PSMG2: variants seen among roughly 807,000 people sequenced by gnomAD.
The protein encoded by PSMG2 is CD40 ligand-activated specific transcript 3.
In PSMG2, 21 loss-of-function variants were observed where a neutral mutation model predicts 31.5. That is an observed-to-expected ratio of 0.67 (90% CI 0.47 to 0.96). The LOEUF (loss-of-function observed/expected upper bound fraction) is 0.96, where lower values mean the gene tolerates loss of function less well. Among genes scored for constraint, PSMG2 ranks in the 40% least tolerant of loss-of-function variants. The pLI, the probability that PSMG2 is intolerant of heterozygous loss-of-function variation, is 0.00. For synonymous variants in PSMG2, 120 were observed against 110.4 expected, an observed-to-expected ratio of 1.09 and a Z score of -0.54; for missense variants, 318 against 321.2, an observed-to-expected ratio of 0.99 and a Z score of 0.08.
intron 1 of PSMG2, among the ~76,000 whole-genome samples, chr18:12,664,848 G>A (rs547225050): frequency 2.0e-5 from 3 of 151,676 alleles, no homozygotes; most frequent in African/African-American, 4.8e-5. Flanking sequence ...ACAGGCGCCC[G>A]TCACCATGCC....
intron 1 of PSMG2, chr18:12,661,218 G>A (rs1229169222): frequency 5.0e-5 from 9 of 181,096 alleles, no homozygotes; most frequent in Non-Finnish European, 8.5e-5. Flanking sequence ...TGAGGCAGGG[G>A]AATCACTTGA....
At chr18:12,666,017 T>C (rs2038795851) in intron 1 of PSMG2, among the ~76,000 whole-genome samples, 1 of 152,082 alleles carries the variant, frequency 6.6e-6, no homozygotes, top group Non-Finnish European at 1.5e-5. Context: ...TTTAATTGTA[T>C]CAAAATTGTT....
rs376598672 is a variant in PSMG2, at chr18:12,675,568, T to C, written c.-37+16795T>C. Among the ~76,000 whole-genome samples the C allele has an allele frequency of 2.4e-4, 36 of 152,292 alleles. 1 individual carries two copies. The East Asian group carries it at 5.2e-3, about 22-fold the overall frequency. ...GAACATGTACTCTATAAAACTTATA[T>C]ACTGTAAGAGATAAAAAGATGAAGA... is the stretch of plus-strand genomic sequence containing the variant. On this transcript the variant is annotated intron_variant, in intron 1 of 6. Coordinates refer to the PSMG2 transcript ENST00000585331.
intron 1 of PSMG2, among the ~76,000 whole-genome samples, chr18:12,694,981 C>T (rs1356143221): frequency 1.3e-5 from 2 of 151,990 alleles, no homozygotes; most frequent in Non-Finnish European, 2.9e-5. Context: ...TCCCAAAGTG[C>T]TGGGACTACA....
chr18:12,699,697 T>C, upstream of PSMG2: 3 of 571,764 alleles, frequency 5.2e-6, no homozygotes, highest in Non-Finnish European at 6.1e-6. Context: ...CAATCTGTTT[T>C]AGCCAACCAT....
intron 1 of PSMG2, among the ~76,000 whole-genome samples, chr18:12,696,629 GGTTTT>G (rs1412998835): frequency 2.0e-5 from 3 of 152,130 alleles, no homozygotes; most frequent in African/African-American, 7.2e-5. Context: ...AACATTGGTA[GGTTTT>G]GTTTTCTCAT....
chr18:12,715,982 T>C (rs2040372586), intron 3 of PSMG2, among the ~76,000 whole-genome samples: 1 of 152,238 alleles, frequency 6.6e-6, no homozygotes, highest in Non-Finnish European at 1.5e-5. Flanking sequence ...CAGTATTCTA[T>C]TGGTGGAATT....
intron 5 of PSMG2, among the ~76,000 whole-genome samples, chr18:12,723,400 TTAGA>T (rs144042901): frequency 0.088 from 13,063 of 147,688 alleles, 800 homozygotes; most frequent in Non-Finnish European, 0.13. Context: ...CTAGATATAG[TTAGA>T]TATAGAGACC....
intron 3 of PSMG2, among the ~76,000 whole-genome samples, chr18:12,717,457 C>T (rs2040387644): frequency 6.6e-6 from 1 of 152,250 alleles, no homozygotes; most frequent in Non-Finnish European, 1.5e-5. Flanking sequence ...CCTACTTGAT[C>T]TCTCGCTATG....
intron 1 of PSMG2, among the ~76,000 whole-genome samples, chr18:12,679,820 T>C (rs1009189963): frequency 1.3e-5 from 2 of 152,056 alleles, no homozygotes; most frequent in Admixed American, 6.6e-5. Flanking sequence ...CTCAGCACTT[T>C]GGAAGGCCGT....
At chr18:12,676,376 C>T (rs1423788699) in intron 1 of PSMG2, among the ~76,000 whole-genome samples, 2 of 150,890 alleles carry the variant, frequency 1.3e-5, no homozygotes, top group African/African-American at 4.9e-5. Context: ...CTCTGCCTCC[C>T]CGGCTCCTTT....
At chr18:12,702,284 A>G, upstream of PSMG2, 1 of 549,742 alleles carries the variant, frequency 1.8e-6, no homozygotes, top group Non-Finnish European at 3.2e-6. Flanking sequence ...TCTTGCTAGC[A>G]CCTGCTCGGC....
intron 1 of PSMG2, among the ~76,000 whole-genome samples, chr18:12,677,021 C>A (rs577056261): frequency 6.6e-6 from 1 of 152,276 alleles, no homozygotes; most frequent in South Asian, 2.1e-4. Context: ...CTTTTCCCAC[C>A]CCACAGCTTC....
At chr18:12,693,588 TC>T (rs1255575413) in intron 1 of PSMG2, among the ~76,000 whole-genome samples, 3 of 152,002 alleles carry the variant, frequency 2.0e-5, no homozygotes, top group Admixed American at 2.0e-4. Context: ...ATCGAGACCA[TC>T]CTGGCCAACA....
At chr18:12,715,403 AAT>A (rs1250089345) in intron 3 of PSMG2, among the ~76,000 whole-genome samples, 4 of 152,206 alleles carry the variant, frequency 2.6e-5, no homozygotes, top group African/African-American at 9.6e-5. Flanking sequence ...GCTCTCAGTA[AAT>A]ATTTGCTAAG....
At chr18:12,695,119 T>G (rs1024210482) in intron 1 of PSMG2, 9 of 450,832 alleles carry the variant, frequency 2.0e-5, no homozygotes, top group Non-Finnish European at 3.2e-5. Context: ...TCATCCTTTT[T>G]GTGAACCTTT....
intron 1 of PSMG2, among the ~76,000 whole-genome samples, chr18:12,687,651 G>C (rs953498206): frequency 6.6e-6 from 1 of 151,294 alleles, no homozygotes; most frequent in Admixed American, 6.6e-5. Context: ...GGGGTTTCAC[G>C]ATGTTGACCA....
At chr18:12,702,440 G>A (rs377033494), upstream of PSMG2, 40 of 1,461,884 alleles carry the variant, frequency 2.7e-5, no homozygotes, top group Non-Finnish European at 3.6e-5. Flanking sequence ...GGAGGGAAAG[G>A]TTATGGGTCG....
chr18:12,661,348 C>T (rs2038692701), intron 1 of PSMG2: 1 of 984,046 alleles, frequency 1.0e-6, no homozygotes, highest in South Asian at 4.7e-5. Context: ...TACCGTCATC[C>T]ATCATCACAA....
Sources: allele counts gnomAD v4.1 joint callset (sites outside exome capture counted in the v4.1 genomes callset), GRCh38; gene constraint gnomAD v4.1.1; transcripts MANE v1.5; gene names NCBI Gene and HGNC (gene_info 2026-07-23, HGNC 2026-07-21).